LRP2: variants seen among roughly 807,000 people sequenced by gnomAD.
LRP2 encodes LDL receptor related protein 2.
Under a neutral mutation model 531.0 loss-of-function variants are expected in LRP2, and 172 were observed. The observed-to-expected ratio is 0.32, with a 90% CI of 0.29 to 0.37. LRP2 has a LOEUF of 0.37. Among genes scored for constraint, LRP2 ranks in the 10% least tolerant of loss-of-function variants. The pLI is 1.00. For synonymous variants in LRP2, 1,992 were observed against 2,027.6 expected, an observed-to-expected ratio of 0.98 and a Z score of 0.47; for missense variants, 5,167 against 5,868.3, an observed-to-expected ratio of 0.88 and a Z score of 3.90.
At chr2:169,361,082 T>C (rs1422491767) in intron 1 of LRP2, among the ~76,000 whole-genome samples, 1 of 152,316 alleles carries the variant, frequency 6.6e-6, no homozygotes, top group Non-Finnish European at 1.5e-5. Context: ...ATTTTCATTG[T>C]AGGGCAATTA....
chr2:169,235,912 G>A lies in LRP2; in HGVS notation c.4848C>T (p.Asp1616=), dbSNP rs760481558. The A allele has an allele frequency of 5.6e-6, 9 of 1,614,166 alleles. No individual in the cohort carries two copies. The South Asian group carries it at 9.9e-5, about 18-fold the overall frequency. Residue 1616 remains aspartate, a synonymous_variant, in exon 29 of 79, where the codon GAC becomes GAT. Transcript: ENST00000649046. ...DYPNRLLYFM[D]SYLDYMDFCD... ...AAAAGTCCATGTAATCAAGATAGGA[G>A]TCCATGAAGTAGAGCAGTCTGTTGG...
chr2:169,270,911 A>G lies in LRP2; in HGVS notation c.2313T>C (p.Asp771=). 6.2e-7 allele frequency: 1 copy of G among 1,612,830 alleles called. No homozygotes were observed. The highest frequency in any genetic ancestry group is 8.5e-7 in the Non-Finnish European group (1 of 1,179,452). Residue 771 remains aspartate, a synonymous_variant, in exon 16 of 79, where the codon GAT becomes GAC. Coordinates refer to ENST00000649046, the MANE Select transcript of LRP2 (RefSeq NM_004525.3). ...SKHMIFKQKI[D]GTGREILAAN... The stretch of plus-strand genomic sequence containing the variant: ...CACACAAACCTTTCTCACCTGTGCC[A>G]TCAATCTTTTGCTTAAAAATCATGT...
In LRP2 at chr2:169,220,467, C is replaced by G. The variant is rs1209030170; in HGVS notation, c.5635G>C (p.Asp1879His). The change falls in exon 34 of 79, where the codon GAT becomes CAT. Residue 1879 changes from aspartate to histidine, a missense_variant. Transcript: ENST00000649046. ...ATGAATACTCACCCACGAGCAGGAT[C>G]AACAGTTATGCCAATTGGAAAGCCA... ...GVGFPIGITV[D>H]PARGKLYWSD... 6.2e-7 allele frequency: 1 copy of G among 1,613,148 alleles called. No individual in the cohort carries two copies. The highest frequency in any genetic ancestry group is 1.3e-5 in the African/African-American group (1 of 74,900).
chr2:169,167,659 T>G (rs977382809), intron 61 of LRP2, among the ~76,000 whole-genome samples: 1 of 152,028 alleles, frequency 6.6e-6, no homozygotes, highest in Non-Finnish European at 1.5e-5. Flanking sequence ...ATAGGGTGCA[T>G]CCCATGAATT....
At chr2:169,197,844 G>A (rs1688057497) in intron 45 of LRP2, among the ~76,000 whole-genome samples, 5 of 152,176 alleles carry the variant, frequency 3.3e-5, no homozygotes. Flanking sequence ...TTCCTGTGCT[G>A]TACCCTAATT....
At chr2:169,351,438 T>C (rs1464897471) in intron 1 of LRP2, among the ~76,000 whole-genome samples, 1 of 151,972 alleles carries the variant, frequency 6.6e-6, no homozygotes, top group African/African-American at 2.4e-5. Flanking sequence ...TGAGAGGGAA[T>C]GAGATCTAGA....
Position 169,181,569 on chromosome 2 carries a change from C to A in LRP2, c.10048G>T (p.Gly3350Cys). The A allele has an allele frequency of 6.2e-7, 1 of 1,614,156 alleles. No individual in the cohort carries two copies. The highest frequency in any genetic ancestry group is 8.5e-7 in the Non-Finnish European group (1 of 1,180,020). The part of the protein sequence containing the change: ...WGHRAYIGRV[G>C]MDGTNKSVII... The stretch of plus-strand genomic sequence containing the variant: ...ACAGACTTGTTGGTTCCATCCATGC[C>A]TACTCTCCCAATGTATGCGCGGTGA... Residue 3350 changes from glycine to cysteine, a missense_variant, in exon 52 of 79, where the codon GGC (glycine) becomes TGC (cysteine). This residue lies in a region of LRP2 where 1,129 missense variants were observed against 1,362.7 expected (regional missense o/e 0.83). Coordinates refer to ENST00000649046, the MANE Select transcript of LRP2 (RefSeq NM_004525.3).
intron 1 of LRP2, among the ~76,000 whole-genome samples, chr2:169,347,463 A>G (rs573169524): frequency 1.3e-5 from 2 of 152,218 alleles, no homozygotes; most frequent in South Asian, 2.1e-4. Flanking sequence ...AATTTTTTTC[A>G]TTAGTAGTAA....
chr2:169,274,309 T>A (rs955896803), intron 14 of LRP2, among the ~76,000 whole-genome samples: 1 of 152,058 alleles, frequency 6.6e-6, no homozygotes, highest in Non-Finnish European at 1.5e-5. Context: ...ATAGGCCAGG[T>A]GCAGTGGCTT....
At chr2:169,224,544 G>C (rs921353172) in intron 33 of LRP2, among the ~76,000 whole-genome samples, 1 of 152,180 alleles carries the variant, frequency 6.6e-6, no homozygotes, top group African/African-American at 2.4e-5. Flanking sequence ...TGGAGCCATA[G>C]AAAGATTTCC....
At chr2:169,341,251 A>G (rs1045245871) in intron 1 of LRP2, among the ~76,000 whole-genome samples, 1 of 152,160 alleles carries the variant, frequency 6.6e-6, no homozygotes, top group Non-Finnish European at 1.5e-5. Flanking sequence ...TTCTTCATCA[A>G]TGTCACTGGC....
intron 33 of LRP2, among the ~76,000 whole-genome samples, chr2:169,223,840 A>G (rs1689103969): frequency 6.6e-6 from 1 of 152,196 alleles, no homozygotes; most frequent in Non-Finnish European, 1.5e-5. Flanking sequence ...CCCTCTCATC[A>G]CAAATGGCTA....
At chr2:169,276,578 A>C (rs1053433896) in intron 13 of LRP2, among the ~76,000 whole-genome samples, 1 of 152,116 alleles carries the variant, frequency 6.6e-6, no homozygotes, top group Non-Finnish European at 1.5e-5. Flanking sequence ...ATTAATACAC[A>C]ATACTTCATT....
intron 78 of LRP2, 58 bp from the exon 79 acceptor site, chr2:169,128,888 GT>G: frequency 6.2e-7 from 1 of 1,600,060 alleles, no homozygotes; most frequent in South Asian, 1.1e-5. Context: ...ACCATACACG[GT>G]TTTTCATAAA....
intron 68 of LRP2, among the ~76,000 whole-genome samples, chr2:169,149,304 T>C (rs902433963): frequency 6.6e-6 from 1 of 152,222 alleles, no homozygotes; most frequent in Non-Finnish European, 1.5e-5. Flanking sequence ...CATCATCCTT[T>C]GGACCCACTG....
At chr2:169,213,632 A>T in intron 36 of LRP2, 25 bp downstream of exon 36, 2 of 1,566,484 alleles carry the variant, frequency 1.3e-6, no homozygotes, top group Non-Finnish European at 1.8e-6. Context: ...ACACCCATGA[A>T]TGTATTTCAG....
intron 3 of LRP2, among the ~76,000 whole-genome samples, chr2:169,311,585 C>T (rs1038835722): frequency 5.3e-5 from 8 of 152,074 alleles, no homozygotes; most frequent in South Asian, 2.1e-4. Flanking sequence ...TAATTTCTGT[C>T]CTTTTACATT....
intron 55 of LRP2, among the ~76,000 whole-genome samples, chr2:169,174,573 G>A (rs1202838909): frequency 6.6e-6 from 1 of 152,032 alleles, no homozygotes; most frequent in Non-Finnish European, 1.5e-5. Context: ...GCAGTGGCAC[G>A]ATCTCGGCTC....
chr2:169,242,964 G>A lies in LRP2; in HGVS notation c.3659C>T (p.Ala1220Val), dbSNP rs144723964. 8.6e-4 allele frequency: 1,384 copies of A among 1,612,836 alleles called. 20 individuals are homozygous for A. The African/African-American group carries it at 0.016, about 18-fold the overall frequency. Reference sequence around the variant, plus strand: ...GGGTATGTGTTACTTACGACAGCCTGCTTCATCCGAGTTGTCACTGCAATC... The same window carrying A: ...GGGTATGTGTTACTTACGACAGCCTACTTCATCCGAGTTGTCACTGCAATC... ...VFDCSDNSDEAGCPTRPPGMC... is the reference protein window; with the variant it reads ...VFDCSDNSDEVGCPTRPPGMC... Residue 1220 changes from alanine to valine, a missense_variant, in exon 24 of 79, where the codon GCA (alanine) becomes GTA (valine). Ala to Val is a moderately conservative substitution (Grantham distance 64, BLOSUM62 0). Coordinates refer to ENST00000649046, the MANE Select transcript of LRP2 (RefSeq NM_004525.3).
Sources: gnomAD v4.1 joint callset for allele counts (sites outside exome capture counted in the v4.1 genomes callset) on GRCh38, gnomAD v4.1.1 for gene constraint, gnomAD v4.1.1 regional missense constraint, MANE v1.5 for transcripts, NCBI Gene and HGNC (gene_info 2026-07-23, HGNC 2026-07-21) for gene names.